The following VOPP1 variants were observed in gnomAD, a reference collection of about 807,000 sequenced individuals.
The protein encoded by VOPP1 is VOPP1 WW domain binding protein, also known as WW domain binding protein VOPP1.
A neutral mutation model predicts 23.5 loss-of-function variants in VOPP1; 8 were observed. The observed-to-expected ratio is 0.34, with a 90% CI of 0.20 to 0.61. The LOEUF (loss-of-function observed/expected upper bound fraction) is 0.61. Among genes scored for constraint, VOPP1 ranks in the 20% least tolerant of loss-of-function variants. The pLI is 0.78. For synonymous variants in VOPP1, 83 were observed against 97.3 expected (o/e 0.85, Z 0.86); for missense variants, 174 against 238.1 (o/e 0.73, Z 1.77).
intron 2 of VOPP1, among the ~76,000 whole-genome samples, chr7:55,514,876 G>C (rs1029526875): frequency 6.6e-6 from 1 of 152,228 alleles, no homozygotes; most frequent in African/African-American, 2.4e-5. Flanking sequence ...TGCAAAGGTA[G>C]ATGCAAAGAA....
chr7:55,521,614 T>C (rs550391708), intron 1 of VOPP1: 20 of 987,662 alleles, frequency 2.0e-5, no homozygotes, highest in African/African-American at 3.5e-5. Flanking sequence ...GGTTCACTCG[T>C]TGCCCTCTCA....
At chr7:55,566,649 C>A (rs1182497489) in intron 1 of VOPP1, among the ~76,000 whole-genome samples, 1 of 152,088 alleles carries the variant, frequency 6.6e-6, no homozygotes, top group South Asian at 2.1e-4. Flanking sequence ...TTTGTTTTTC[C>A]AAAATAAAGT....
chr7:55,511,181 C>G (rs1010652417), intron 2 of VOPP1, among the ~76,000 whole-genome samples: 1 of 152,256 alleles, frequency 6.6e-6, no homozygotes, highest in East Asian at 1.9e-4. Context: ...TCAAAGCATA[C>G]AAAGGAAACT....
At chr7:55,567,436 C>A (rs1169335600) in intron 1 of VOPP1, among the ~76,000 whole-genome samples, 1 of 152,152 alleles carries the variant, frequency 6.6e-6, no homozygotes, top group Non-Finnish European at 1.5e-5. Context: ...AAGGTGAAAT[C>A]TGAAAAGCTT....
chr7:55,543,752 A>T (rs898290972), intron 1 of VOPP1, among the ~76,000 whole-genome samples: 1 of 151,468 alleles, frequency 6.6e-6, no homozygotes, highest in Non-Finnish European at 1.5e-5. Context: ...TTTTTAAATC[A>T]GATTATTTGG....
intron 1 of VOPP1, among the ~76,000 whole-genome samples, chr7:55,560,616 T>C (rs1797953876): frequency 6.6e-6 from 1 of 152,150 alleles, no homozygotes; most frequent in South Asian, 2.1e-4. Context: ...CTGAGAGCCA[T>C]TTAGGACTTC....
chr7:55,451,792 AAAC>A, intron 4 of VOPP1, among the ~76,000 whole-genome samples: 1 of 152,214 alleles, frequency 6.6e-6, no homozygotes, highest in East Asian at 1.9e-4. Context: ...CTCTGTCTAA[AAAC>A]AAACAAAAAA....
At chr7:55,460,880 A>G (rs149880250) in intron 4 of VOPP1, among the ~76,000 whole-genome samples, 130 of 152,298 alleles carry the variant, frequency 8.5e-4, no homozygotes, top group South Asian at 7.5e-3. Context: ...TTACAAGTGA[A>G]GTGAGTTTCT....
chr7:55,557,394 C>T (rs1006989054), intron 1 of VOPP1, among the ~76,000 whole-genome samples: 1 of 151,774 alleles, frequency 6.6e-6, no homozygotes, highest in Non-Finnish European at 1.5e-5. Context: ...TATCACATTG[C>T]CACCATCATC....
chr7:55,465,288 A>T (rs1791605336), intron 4 of VOPP1, among the ~76,000 whole-genome samples: 2 of 152,192 alleles, frequency 1.3e-5, no homozygotes, highest in African/African-American at 4.8e-5. Context: ...ATAAGTAGTG[A>T]GGGAAAAAAG....
At chr7:55,455,661 C>A (rs1791347922) in intron 4 of VOPP1, among the ~76,000 whole-genome samples, 1 of 152,146 alleles carries the variant, frequency 6.6e-6, no homozygotes, top group African/African-American at 2.4e-5. Flanking sequence ...CATCTACAAC[C>A]ATCTGATCTT....
chr7:55,490,629 C>T (rs1398951884), intron 4 of VOPP1, among the ~76,000 whole-genome samples: 2 of 151,954 alleles, frequency 1.3e-5, no homozygotes, highest in Non-Finnish European at 2.9e-5. Context: ...GTACTAAAAC[C>T]TCTCTGACTG....
intron 3 of VOPP1, among the ~76,000 whole-genome samples, chr7:55,493,441 C>T (rs922639059): frequency 2.6e-5 from 4 of 152,342 alleles, no homozygotes; most frequent in East Asian, 1.9e-4. Context: ...CTCTTAAGAG[C>T]GTACGATAAA....
chr7:55,547,344 C>T (rs1584096966), intron 1 of VOPP1, among the ~76,000 whole-genome samples: 1 of 152,186 alleles, frequency 6.6e-6, no homozygotes. Context: ...GAGTGGCAGG[C>T]AAGGTGGGCT....
At chr7:55,529,843 C>T (rs1188773057) in intron 1 of VOPP1, among the ~76,000 whole-genome samples, 1 of 152,192 alleles carries the variant, frequency 6.6e-6, no homozygotes, top group Non-Finnish European at 1.5e-5. Context: ...ATACAACTTA[C>T]AGTCTCTTAC....
At chr7:55,441,326 C>T (rs371853003) in intron 4 of VOPP1, among the ~76,000 whole-genome samples, 41 of 152,298 alleles carry the variant, frequency 2.7e-4, no homozygotes, top group African/African-American at 8.9e-4. Flanking sequence ...ATTTACCTCC[C>T]CCAACTTGAA....
intron 1 of VOPP1, among the ~76,000 whole-genome samples, chr7:55,555,911 G>A (rs765742973): frequency 6.6e-6 from 1 of 152,088 alleles, no homozygotes; most frequent in East Asian, 1.9e-4. Flanking sequence ...AAATATAAAC[G>A]AATGAATAAC....
chr7:55,435,595 C>G (rs571911810), downstream of VOPP1, among the ~76,000 whole-genome samples: 1 of 152,324 alleles, frequency 6.6e-6, no homozygotes, highest in African/African-American at 2.4e-5. Context: ...AGTGAGCCGG[C>G]CAGTGCGCTT....
chr7:55,525,915 T>C (rs896458906), intron 1 of VOPP1, among the ~76,000 whole-genome samples: 1 of 150,542 alleles, frequency 6.6e-6, no homozygotes, highest in African/African-American at 2.4e-5. Context: ...AAGATACTAC[T>C]ACCATGATTT....
Sources: allele counts gnomAD v4.1 joint callset (sites outside exome capture counted in the v4.1 genomes callset), GRCh38; gene constraint gnomAD v4.1.1; transcripts MANE v1.5; gene names NCBI Gene and HGNC (gene_info 2026-07-23, HGNC 2026-07-21).